Variants in CDYL observed in about 807,000 individuals in gnomAD.
The protein encoded by CDYL is chromodomain Y-like protein.
CDYL carries 8 observed loss-of-function variants against 47.3 expected under a neutral mutation model. The observed-to-expected ratio is 0.17, with a 90% CI of 0.10 to 0.31. CDYL has a LOEUF of 0.31. Ranked by LOEUF, CDYL falls within the 10% of genes least tolerant of loss-of-function variation. The pLI is 1.00. For missense variants in CDYL, 471 were observed against 701.4 expected (o/e 0.67, Z 3.71); for synonymous variants, 266 against 265.0 (o/e 1.00, Z -0.04).
intron 2 of CDYL, among the ~76,000 whole-genome samples, chr6:4,927,417 A>G (rs1757908083): frequency 9.4e-6 from 1 of 106,810 alleles, no homozygotes; most frequent in African/African-American, 4.2e-5. Flanking sequence ...CCATCATTCG[A>G]ATTTACTGTA....
chr6:4,828,001 A>C (rs1376492107), intron 1 of CDYL, among the ~76,000 whole-genome samples: 1 of 152,210 alleles, frequency 6.6e-6, no homozygotes, highest in Non-Finnish European at 1.5e-5. Flanking sequence ...TACATTCAAA[A>C]TTCCTAAATA....
intron 2 of CDYL, among the ~76,000 whole-genome samples, chr6:4,911,378 A>G (rs1212554499): frequency 6.6e-6 from 1 of 152,248 alleles, no homozygotes; most frequent in South Asian, 2.1e-4. Flanking sequence ...TCTCACACAT[A>G]CATGCGCACA....
rs142943315 is a variant in CDYL, at chr6:4,875,068, A to G, written c.25-16645A>G. On this transcript the variant is annotated intron_variant, in intron 1 of 6. Coordinates refer to ENST00000397588, the MANE Select transcript of CDYL (RefSeq NM_004824.4). ...TTTGGCAAAAATACCTAGGAGTGGA[A>G]TTGCTGAGGGAGGTGTGTGTTTAAG... is the stretch of plus-strand genomic sequence containing the variant. 2.0e-3 allele frequency among the ~76,000 whole-genome samples: 311 copies of G among 152,218 alleles called. 3 individuals carry two copies. The highest frequency in any genetic ancestry group is 6.2e-3 in the African/African-American group (256 of 41,542).
chr6:4,827,872 C>G (rs150050882), intron 1 of CDYL, among the ~76,000 whole-genome samples: 2,991 of 152,248 alleles, frequency 0.02, 38 homozygotes, highest in Non-Finnish European at 0.032. Flanking sequence ...CTAGGCTGGT[C>G]TCAAACTCCT....
At chr6:4,809,053 A>G (rs1044638020) in intron 1 of CDYL, among the ~76,000 whole-genome samples, 1 of 151,656 alleles carries the variant, frequency 6.6e-6, no homozygotes, top group Non-Finnish European at 1.5e-5. Context: ...TACGCCCTCC[A>G]CTCCTTTTCT....
At chr6:4,734,194 G>A (rs1200299002) in intron 2 of CDYL, among the ~76,000 whole-genome samples, 1 of 152,134 alleles carries the variant, frequency 6.6e-6, no homozygotes, top group African/African-American at 2.4e-5. Context: ...AAAGGACTAG[G>A]GGAAAGGTGC....
rs182992884 is a variant in CDYL at position 4,903,932 on chromosome 6, A to G, written c.691+11553A>G. On this transcript the variant is annotated intron_variant, in intron 2 of 6. Transcript: ENST00000397588. ...CATGCCTCTTCATAGGCACGTTGCCATGTACCACATGGCAGGCAGGTGTGA... is the reference window on the plus strand; with the variant it reads ...CATGCCTCTTCATAGGCACGTTGCCGTGTACCACATGGCAGGCAGGTGTGA... 3.3e-4 allele frequency among the ~76,000 whole-genome samples: 51 copies of G among 152,332 alleles called. 1 individual carries two copies. The highest frequency in any genetic ancestry group is 3.1e-3 in the Admixed American group (47 of 15,310).
intron 4 of CDYL, among the ~76,000 whole-genome samples, chr6:4,939,706 C>T (rs1758306072): frequency 6.6e-6 from 1 of 152,212 alleles, no homozygotes; most frequent in Admixed American, 6.5e-5. Flanking sequence ...TGTCATAAAT[C>T]CTTGGCTGAC....
At chr6:4,782,904 T>C (rs1156514344) in intron 1 of CDYL, among the ~76,000 whole-genome samples, 7 of 152,224 alleles carry the variant, frequency 4.6e-5, no homozygotes, top group African/African-American at 1.4e-4. Flanking sequence ...TGTATGCTAT[T>C]TCTAGTCTTT....
chr6:4,891,275 A>G (rs994429300), intron 1 of CDYL, among the ~76,000 whole-genome samples: 1 of 152,186 alleles, frequency 6.6e-6, no homozygotes, highest in Admixed American at 6.5e-5. Context: ...GTTTCACACC[A>G]CAGAAGGTTC....
intron 1 of CDYL, among the ~76,000 whole-genome samples, chr6:4,783,505 C>G (rs1758673914): frequency 6.6e-6 from 1 of 151,960 alleles, no homozygotes; most frequent in South Asian, 2.1e-4. Context: ...TAGCCTCTGC[C>G]TCACTGGTTC....
chr6:4,899,842 G>T (rs937822138), intron 2 of CDYL, among the ~76,000 whole-genome samples: 1 of 152,200 alleles, frequency 6.6e-6, no homozygotes, highest in South Asian at 2.1e-4. Flanking sequence ...GAAGAGTCAC[G>T]TGTGAGCTGT....
intron 2 of CDYL, among the ~76,000 whole-genome samples, chr6:4,896,475 G>C (rs778774774): frequency 3.9e-5 from 6 of 152,222 alleles, no homozygotes; most frequent in Non-Finnish European, 8.8e-5. Context: ...GCGCATGGAA[G>C]ACAAGGGTTG....
intron 1 of CDYL, among the ~76,000 whole-genome samples, chr6:4,861,271 C>CT (rs1761161650): frequency 6.6e-6 from 1 of 152,252 alleles, no homozygotes; most frequent in Admixed American, 6.5e-5. Context: ...CTGAAAGGCA[C>CT]TAAGTGCAAA....
chr6:4,922,348 AAAAC>A (rs1192007106), intron 2 of CDYL, among the ~76,000 whole-genome samples: 1 of 152,250 alleles, frequency 6.6e-6, no homozygotes, highest in Non-Finnish European at 1.5e-5. Flanking sequence ...GGTGAAGAAT[AAAAC>A]AAAGTTGGAA....
At chr6:4,724,965 G>C (rs913412215) in intron 2 of CDYL, 3 of 152,186 alleles carry the variant, frequency 2.0e-5, no homozygotes, top group Non-Finnish European at 4.4e-5. Flanking sequence ...TTTACAGAGA[G>C]CCAATTGGTC....
upstream of CDYL, chr6:4,775,398 G>A (rs1045895283): frequency 6.6e-6 from 1 of 150,864 alleles, no homozygotes; most frequent in African/African-American, 2.4e-5. This position sits in a 1 kb window ranked among gnomAD's most constrained non-coding sequence, Gnocchi z 7.0. Context: ...TCCCTGGGAA[G>A]TGGAGCGCGG....
intron 1 of CDYL, among the ~76,000 whole-genome samples, chr6:4,853,375 C>G (rs1182734396): frequency 6.6e-6 from 1 of 152,190 alleles, no homozygotes; most frequent in African/African-American, 2.4e-5. Context: ...TTATCCAAAG[C>G]TAAGCTGCTA....
intron 1 of CDYL, among the ~76,000 whole-genome samples, chr6:4,815,282 C>T (rs922401358): frequency 2.6e-5 from 4 of 152,086 alleles, no homozygotes; most frequent in African/African-American, 4.8e-5. Flanking sequence ...TAAACATGCA[C>T]CAGAGGTTTA....
Sources: gnomAD v4.1 joint callset for allele counts (sites outside exome capture counted in the v4.1 genomes callset) on GRCh38, gnomAD v4.1.1 for gene constraint, Gnocchi (gnomAD v3.1) non-coding constraint, MANE v1.5 for transcripts, NCBI Gene and HGNC (gene_info 2026-07-23, HGNC 2026-07-21) for gene names.